Variants in HMGCLL1 observed in about 807,000 individuals in gnomAD.
HMGCLL1 encodes 3-hydroxy-3-methylglutaryl-CoA lyase like 1.
Under a neutral mutation model 39.1 loss-of-function variants are expected in HMGCLL1, and 36 were observed. The observed-to-expected ratio is 0.92, with a 90% CI of 0.71 to 1.22. The LOEUF is 1.22. Ranked by LOEUF, HMGCLL1 falls within the 50% of genes most tolerant of loss-of-function variation. The pLI, the probability that HMGCLL1 is intolerant of heterozygous loss-of-function variation, is 0.00. For synonymous variants in HMGCLL1, 149 were observed against 144.0 expected (o/e 1.03, Z -0.25); for missense variants, 451 against 416.5 (o/e 1.08, Z -0.72).
the HMGCLL1 span, among the ~76,000 whole-genome samples, chr6:55,606,882 A>C: frequency 3.3e-5 from 5 of 152,148 alleles, no homozygotes. Context: ...AGAAAAAAAT[A>C]AGGAGATATC....
chr6:55,485,305 C>T lies in HMGCLL1; in HGVS notation c.795+10114G>A, dbSNP rs181896276. Reference sequence around the variant, plus strand: ...CTCTAAAATGTACTTCTATATTAGGCGTGTGTGTGTGTGTTGGGGGGGTGT... The same window carrying T: ...CTCTAAAATGTACTTCTATATTAGGTGTGTGTGTGTGTGTTGGGGGGGTGT... On this transcript the variant is annotated intron_variant, in intron 7 of 8. Transcript: ENST00000274901. 7.6e-3 allele frequency among the ~76,000 whole-genome samples: 1,145 copies of T among 151,158 alleles called. 1 individual carries two copies. Among genetic ancestry groups the T allele is most frequent in the Non-Finnish European group, 0.013 (876 of 67,742 alleles).
the HMGCLL1 span, among the ~76,000 whole-genome samples, chr6:55,656,868 A>T: frequency 0.095 from 14,484 of 151,980 alleles, 884 homozygotes; most frequent in Middle Eastern, 0.16. Context: ...GACCAGTTAA[A>T]TTTTTATTGC....
the HMGCLL1 span, among the ~76,000 whole-genome samples, chr6:55,618,562 A>C: frequency 4.6e-5 from 7 of 152,210 alleles, no homozygotes; most frequent in Admixed American, 4.6e-4. Context: ...TCCATATTAC[A>C]GCACAACAGT....
At chr6:55,654,482 A>G in the HMGCLL1 span, among the ~76,000 whole-genome samples, 1 of 151,936 alleles carries the variant, frequency 6.6e-6, no homozygotes, top group Non-Finnish European at 1.5e-5. Context: ...ATCCACCATA[A>G]TGTCATCTAT....
chr6:55,541,037 A>T (rs1392622383), intron 3 of HMGCLL1, among the ~76,000 whole-genome samples: 4 of 152,164 alleles, frequency 2.6e-5, no homozygotes, highest in Admixed American at 2.6e-4. Context: ...AGTGAAACTA[A>T]GTGCTGTGGA....
intron 8 of HMGCLL1, 139 bp from the exon 9 acceptor site, chr6:55,435,902 T>C (rs1455122233): frequency 2.2e-6 from 1 of 462,910 alleles, no homozygotes; most frequent in Non-Finnish European, 3.9e-6. Context: ...ATTATCAATT[T>C]TGGGGCAACA....
chr6:55,668,915 C>A, the HMGCLL1 span, among the ~76,000 whole-genome samples: 2 of 151,724 alleles, frequency 1.3e-5, no homozygotes, highest in Non-Finnish European at 2.9e-5. Flanking sequence ...GGGAGGGAAA[C>A]CTTCCTTTCC....
In HMGCLL1 at chr6:55,499,354, TTTTATAA is replaced by T. The variant is rs1265588777; in HGVS notation, c.543-62_543-56del. The T allele has an allele frequency of 5.2e-5, 69 of 1,327,702 alleles. No individual in the cohort carries two copies. In the East Asian group the frequency reaches 1.6e-3, roughly 32 times the overall value. 82.2% of individuals were successfully genotyped at this position (1,327,702 alleles called of 1,614,324 possible). The stretch of plus-strand genomic sequence containing the variant: ...GCATATGGTAAATAAGCCATTTCCA[TTTTATAA>T]AAATTAAGAATTAGCTGAAACTGCA... On this transcript the variant is annotated intron_variant, in intron 5 of 8. Transcript: ENST00000274901.
At chr6:55,593,722 AAAT>A in the HMGCLL1 span, among the ~76,000 whole-genome samples, 12,934 of 152,222 alleles carry the variant, frequency 0.085, 741 homozygotes, top group Non-Finnish European at 0.13. Context: ...CAGTTGATTG[AAAT>A]AATAATAACA....
chr6:55,653,481 A>C, the HMGCLL1 span, among the ~76,000 whole-genome samples: 1 of 151,260 alleles, frequency 6.6e-6, no homozygotes, highest in African/African-American at 2.4e-5. Flanking sequence ...CATGCTTTCA[A>C]ATAATAATGA....
chr6:55,481,468 T>A (rs1476159035), intron 7 of HMGCLL1, among the ~76,000 whole-genome samples: 1 of 152,094 alleles, frequency 6.6e-6, no homozygotes, highest in African/African-American at 2.4e-5. Context: ...TTTATCCTTA[T>A]AAAATTATGT....
the HMGCLL1 span, among the ~76,000 whole-genome samples, chr6:55,608,183 G>GCTA: frequency 6.6e-6 from 1 of 152,108 alleles, no homozygotes; most frequent in Non-Finnish European, 1.5e-5. Flanking sequence ...AGAACCTACT[G>GCTA]CTACTACTTT....
chr6:55,562,147 A>G, intron 1 of HMGCLL1, among the ~76,000 whole-genome samples: 1 of 152,292 alleles, frequency 6.6e-6, no homozygotes, highest in African/African-American at 2.4e-5. Context: ...CTGAGATTGT[A>G]GGATGAAAAG....
At chr6:55,596,601 C>T in the HMGCLL1 span, among the ~76,000 whole-genome samples, 1 of 152,140 alleles carries the variant, frequency 6.6e-6, no homozygotes, top group Admixed American at 6.5e-5. Context: ...TGAGCTACGC[C>T]TAAACTCCTA....
At chr6:55,559,593 C>G (rs542996363) in intron 1 of HMGCLL1, among the ~76,000 whole-genome samples, 2 of 152,206 alleles carry the variant, frequency 1.3e-5, no homozygotes, top group Admixed American at 1.3e-4. Context: ...CCTGGAATGA[C>G]CAGATCATTC....
chr6:55,676,420 A>G, the HMGCLL1 span, among the ~76,000 whole-genome samples: 2 of 152,176 alleles, frequency 1.3e-5, no homozygotes, highest in East Asian at 3.9e-4. Flanking sequence ...AAATTTTAAC[A>G]CTATATTGCC....
chr6:55,630,477 A>G, the HMGCLL1 span, among the ~76,000 whole-genome samples: 11 of 152,094 alleles, frequency 7.2e-5, no homozygotes, highest in Non-Finnish European at 1.2e-4. Context: ...TGACATGTAA[A>G]TGCTGAAATG....
intron 7 of HMGCLL1, among the ~76,000 whole-genome samples, chr6:55,477,139 A>C (rs1318347853): frequency 4.0e-5 from 3 of 74,514 alleles, no homozygotes; most frequent in Non-Finnish European, 7.5e-5. Context: ...TATATAATAG[A>C]TATAATATAT....
At chr6:55,474,626 T>C (rs905984862) in intron 7 of HMGCLL1, among the ~76,000 whole-genome samples, 1 of 151,562 alleles carries the variant, frequency 6.6e-6, no homozygotes, top group African/African-American at 2.4e-5. Context: ...TGAGTCTGAT[T>C]CTGAGGGTTG....
Sources: allele counts gnomAD v4.1 joint callset (sites outside exome capture counted in the v4.1 genomes callset), GRCh38; gene constraint gnomAD v4.1.1; transcripts MANE v1.5; gene names NCBI Gene and HGNC (gene_info 2026-07-23, HGNC 2026-07-21).